EPHA2: variants seen among roughly 807,000 people sequenced by gnomAD.
EPHA2 encodes EPH receptor A2, also known as ephrin type-A receptor 2.
A neutral mutation model predicts 104.9 loss-of-function variants in EPHA2; 54 were observed. The observed-to-expected ratio is 0.51, with a 90% CI of 0.41 to 0.65. EPHA2 has a LOEUF of 0.65. Ranked by LOEUF, EPHA2 falls within the 30% of genes least tolerant of loss-of-function variation. The pLI, the probability that EPHA2 is intolerant of heterozygous loss-of-function variation, is 0.00. For synonymous variants in EPHA2, 560 were observed against 559.1 expected (o/e 1.00, Z -0.02); for missense variants, 1,117 against 1,369.5 (o/e 0.82, Z 2.91).
chr1:16,129,719 G>A (rs2024539211), intron 15 of EPHA2, 130 bp from the exon 16 acceptor site: 1 of 1,254,674 alleles, frequency 8.0e-7, no homozygotes, highest in Non-Finnish European at 1.1e-6. Flanking sequence ...TGGGCAACAG[G>A]GAAGCCCAGT....
rs1438862427 is a variant in EPHA2, at chr1:16,125,362, C to A, written c.2826-42G>T. 2 of 284,130 alleles carry A rather than the reference C, an allele frequency of 7.0e-6. No individual in the cohort carries two copies. The highest frequency in any genetic ancestry group is 4.9e-5 in the South Asian group (1 of 20,262). The allele number at this position is 284,130 out of a possible 1,614,324, so 17.6% of individuals were successfully genotyped here. On this transcript the variant is annotated intron_variant, in intron 16 of 16. Coordinates refer to ENST00000358432, the MANE Select transcript of EPHA2 (RefSeq NM_004431.5). The surrounding 1 kb of genome is among the most constrained non-coding windows in gnomAD (Gnocchi z 4.9). ...AGAGAGGGAGAGTTAGGGGCTGGAG[C>A]AGGGGAGGGGGCCGGGCTGGGTGGG...
chr1:16,132,400 C>G lies in EPHA2; in HGVS notation c.2093G>C (p.Gly698Ala). 1.2e-6 allele frequency: 2 copies of G among 1,614,124 alleles called. No individual in the cohort carries two copies. Among genetic ancestry groups the G allele is most frequent in the Non-Finnish European group, 1.7e-6 (2 of 1,180,036 alleles). The change falls in exon 12 of 17, where the codon GGG (glycine) becomes GCG (alanine). Residue 698 changes from glycine to alanine, a missense_variant. Gly to Ala is a moderately conservative substitution (Grantham distance 60, BLOSUM62 0). Coordinates refer to ENST00000358432, the MANE Select transcript of EPHA2 (RefSeq NM_004431.5). ...TACCCGAAGGAACTTGTCCAGGGCC[C>G]CATTCTCCATGTACTCAGTGATGAT... ...MMIITEYMEN[G>A]ALDKFLREKD... is the part of the protein sequence containing the mutation.
At chr1:16,138,697 C>A (rs1273767384) in intron 3 of EPHA2, among the ~76,000 whole-genome samples, 1 of 152,240 alleles carries the variant, frequency 6.6e-6, no homozygotes, top group Non-Finnish European at 1.5e-5. Context: ...AAGCACCACG[C>A]CCCTGAGCCT....
chr1:16,151,605 C>A (rs1289653524), intron 1 of EPHA2, among the ~76,000 whole-genome samples: 1 of 152,176 alleles, frequency 6.6e-6, no homozygotes, highest in Admixed American at 6.5e-5. Context: ...CTTCTCACCA[C>A]AAAAGCCACA....
rs767157667 is a variant in EPHA2 at position 16,129,535 on chromosome 1, C to A, written c.2724G>T (p.Thr908=). The A allele has an allele frequency of 4.3e-6, 7 of 1,613,430 alleles. No homozygotes were observed. The East Asian group carries it at 1.6e-4, about 36-fold the overall frequency. The change falls in exon 16 of 17, where the codon ACG becomes ACT. Residue 908 remains threonine (T), a synonymous_variant. Transcript: ENST00000358432. The part of the protein sequence containing the change: ...TSGSEGVPFR[T]VSEWLESIKM... Reference sequence around the variant, plus strand: ...TGATGGACTCCAGCCACTCGGACACCGTGCGGAAGGGCACCCCCTCCGAGC... The same window carrying A: ...TGATGGACTCCAGCCACTCGGACACAGTGCGGAAGGGCACCCCCTCCGAGC...
At position 16,134,963 on chromosome 1, in the gene EPHA2, T is replaced by G; in HGVS notation, c.1582+73A>C. Reference sequence around the variant, plus strand: ...GCATTTCTAAGTTATTTGATTCACTTCCTTTCCCAAGATGTCTCAATTGCT... The same window carrying G: ...GCATTTCTAAGTTATTTGATTCACTGCCTTTCCCAAGATGTCTCAATTGCT... On this transcript the variant is annotated intron_variant, in intron 7 of 16. Coordinates refer to ENST00000358432, the MANE Select transcript of EPHA2 (RefSeq NM_004431.5). The surrounding 1 kb of genome is among the most constrained non-coding windows in gnomAD (Gnocchi z 4.5). 1.3e-6 allele frequency: 2 copies of G among 1,591,916 alleles called. No individual in the cohort carries two copies. Among genetic ancestry groups the G allele is most frequent in the Non-Finnish European group, 1.7e-6 (2 of 1,172,544 alleles).
rs576390680 is a variant in EPHA2, at chr1:16,124,523, C to T, written c.*692G>A. 2 of 152,722 alleles carry T rather than the reference C, an allele frequency of 1.3e-5. No homozygotes were observed. Among genetic ancestry groups the T allele is most frequent in the East Asian group, 3.9e-4 (2 of 5,188 alleles). 9.5% of individuals were successfully genotyped at this position (152,722 alleles called of 1,614,324 possible). A position where few individuals can be genotyped will look rare whatever the true frequency, so the allele number is the denominator to read the frequency against. On this transcript the variant is annotated 3_prime_UTR_variant, in exon 17 of 17. Coordinates refer to ENST00000358432, the MANE Select transcript of EPHA2 (RefSeq NM_004431.5). ...GGCCGACTGGGGCATGGGCAGGACA[C>T]TCCTGCAGCACCGGTCCCTGAGTCC... is the stretch of plus-strand genomic sequence containing the variant.
At position 16,131,880 on chromosome 1, in the gene EPHA2, ACCCAGG is replaced by A. The variant is rs777689525; in HGVS notation, c.2326-16_2326-11del. 71 of 1,612,846 alleles carry A rather than the reference ACCCAGG, an allele frequency of 4.4e-5. No homozygotes were observed. The highest frequency in any genetic ancestry group is 5.8e-5 in the Non-Finnish European group (69 of 1,179,606). ...TGGGGATCTTGCCGCCCTGCAGGGA[ACCCAGG>A]CCCAGTCACCACTGTGCCCTCTGGC... On this transcript the variant is annotated splice_polypyrimidine_tract_variant and intron_variant, in intron 13 of 16. Transcript: ENST00000358432. The surrounding 1 kb of genome is among the most constrained non-coding windows in gnomAD (Gnocchi z 5.2).
Position 16,134,387 on chromosome 1 carries a change from C to T in EPHA2, c.1682+81G>A, listed in dbSNP as rs765259681. The stretch of plus-strand genomic sequence containing the variant: ...TCGACTAGCATCCTGTGGGCCCCAT[C>T]GTTCAGATGAGGAAATGGAGGTTCC... On this transcript the variant is annotated intron_variant, in intron 8 of 16. Coordinates refer to ENST00000358432, the MANE Select transcript of EPHA2 (RefSeq NM_004431.5). The surrounding 1 kb of genome is among the most constrained non-coding windows in gnomAD (Gnocchi z 4.5). 2.9e-5 allele frequency: 41 copies of T among 1,414,762 alleles called. No homozygotes were observed. Among genetic ancestry groups the T allele is most frequent in the Non-Finnish European group, 3.7e-5 (37 of 1,010,116 alleles). The allele number at this position is 1,414,762 out of a possible 1,614,324, so 87.6% of individuals were successfully genotyped here.
At chr1:16,141,370 T>A (rs2024821481) in intron 3 of EPHA2, among the ~76,000 whole-genome samples, 1 of 152,144 alleles carries the variant, frequency 6.6e-6, no homozygotes, top group Non-Finnish European at 1.5e-5. Context: ...GTATATTGCA[T>A]CCCTCCCCAT....
At position 16,125,352 on chromosome 1, in the gene EPHA2, G is replaced by C; in HGVS notation, c.2826-32C>G. ...GCCGGGAGGGAGAGAGGGAGAGTTA[G>C]GGGCTGGAGCAGGGGAGGGGGCCGG... On this transcript the variant is annotated intron_variant, in intron 16 of 16. Coordinates refer to ENST00000358432, the MANE Select transcript of EPHA2 (RefSeq NM_004431.5). This position sits in a 1 kb window ranked among gnomAD's most constrained non-coding sequence, Gnocchi z 4.9. The C allele has an allele frequency of 6.4e-7, 1 of 1,566,956 alleles. No individual in the cohort carries two copies. Among genetic ancestry groups the C allele is most frequent in the Non-Finnish European group, 8.7e-7 (1 of 1,144,284 alleles).
At chr1:16,147,183 T>C (rs2024948547) in intron 3 of EPHA2, among the ~76,000 whole-genome samples, 2 of 152,340 alleles carry the variant, frequency 1.3e-5, no homozygotes, top group Non-Finnish European at 2.9e-5. Context: ...AACTCACTAA[T>C]GCCCAAGCCT....
Position 16,125,364 on chromosome 1 carries a change from G to C in EPHA2, c.2826-44C>G, listed in dbSNP as rs763776242. 3.5e-6 allele frequency: 5 copies of C among 1,420,948 alleles called. No homozygotes were observed. Among genetic ancestry groups the C allele is most frequent in the Non-Finnish European group, 4.9e-6 (5 of 1,021,266 alleles). 88.0% of individuals were successfully genotyped at this position (1,420,948 alleles called of 1,614,324 possible). A position where few individuals can be genotyped will look rare whatever the true frequency, so the allele number is the denominator to read the frequency against. On this transcript the variant is annotated intron_variant, in intron 16 of 16. Coordinates refer to ENST00000358432, the MANE Select transcript of EPHA2 (RefSeq NM_004431.5). This position sits in a 1 kb window ranked among gnomAD's most constrained non-coding sequence, Gnocchi z 4.9. ...AGAGGGAGAGTTAGGGGCTGGAGCA[G>C]GGGAGGGGGCCGGGCTGGGTGGGGA...
intron 3 of EPHA2, among the ~76,000 whole-genome samples, chr1:16,140,674 A>G (rs1200340345): frequency 6.6e-6 from 1 of 151,604 alleles, no homozygotes; most frequent in Non-Finnish European, 1.5e-5. Flanking sequence ...GCTGGAGTGA[A>G]GTGGTGGGAT....
intron 3 of EPHA2, among the ~76,000 whole-genome samples, chr1:16,147,485 C>A (rs1438474425): frequency 3.9e-5 from 6 of 152,016 alleles, no homozygotes; most frequent in African/African-American, 1.2e-4. Context: ...GTTTAAGTAT[C>A]TTGCCTAAGG....
In EPHA2 at chr1:16,150,107, G is replaced by T. The variant is rs1226922188; in HGVS notation, c.153+789C>A. Among the ~76,000 whole-genome samples, 1 of 152,148 alleles carries T rather than the reference G, an allele frequency of 6.6e-6. No homozygotes were observed. Among genetic ancestry groups the T allele is most frequent in the Admixed American group, 6.5e-5 (1 of 15,280 alleles). ...TCAGGGCTACACCCCAGCCAAGCCT[G>T]CCCAGAGCTAGGGTGACCGGGGACA... On this transcript the variant is annotated intron_variant, in intron 2 of 16. Coordinates refer to ENST00000358432, the MANE Select transcript of EPHA2 (RefSeq NM_004431.5). The surrounding 1 kb of genome is among the most constrained non-coding windows in gnomAD (Gnocchi z 4.8).
Position 16,136,702 on chromosome 1 carries a change from G to GAA in EPHA2, c.1313-934_1313-933dup, listed in dbSNP as rs774352118. 4.1e-3 allele frequency among the ~76,000 whole-genome samples: 349 copies of GAA among 84,146 alleles called. 2 individuals are homozygous for GAA. Among genetic ancestry groups the GAA allele is most frequent in the Non-Finnish European group, 5.6e-3 (275 of 49,274 alleles). 55.2% of individuals were successfully genotyped at this position (84,146 alleles called of 152,430 possible). A position where few individuals can be genotyped will look rare whatever the true frequency, so the allele number is the denominator to read the frequency against. ...GAAGAAAGAAGAAGAGGAAGAAGAA[G>GAA]AAGAAGAAGAAAAGAAGAAGAAGAA... On this transcript the variant is annotated intron_variant, in intron 5 of 16. Transcript: ENST00000358432.
intron 3 of EPHA2, among the ~76,000 whole-genome samples, chr1:16,142,057 G>T (rs2024833443): frequency 6.6e-6 from 1 of 152,052 alleles, no homozygotes; most frequent in African/African-American, 2.4e-5. Flanking sequence ...GTGGGGACAG[G>T]GGTCACACAC....
Position 16,138,145 on chromosome 1 carries a change from C to T in EPHA2, c.1020G>A (p.Met340Ile), listed in dbSNP as rs1442412216. ...SAPHYLTAVG[M>I]GAKVELRWTP... ...TCCAGCGCAGCTCCACCTTGGCACC[C>T]ATGCCCACGGCTGTGAGGTAGTGTG... The change falls in exon 5 of 17, where the codon ATG becomes ATA. Residue 340 changes from methionine to isoleucine, a missense_variant. By Grantham distance (10) the Met-to-Ile change is conservative. Coordinates refer to ENST00000358432, the MANE Select transcript of EPHA2 (RefSeq NM_004431.5). The T allele has an allele frequency of 1.2e-6, 2 of 1,608,988 alleles. No homozygotes were observed. The highest frequency in any genetic ancestry group is 3.3e-5 in the Admixed American group (2 of 59,992).
Sources: gnomAD v4.1 joint callset for allele counts (sites outside exome capture counted in the v4.1 genomes callset) on GRCh38, gnomAD v4.1.1 for gene constraint, Gnocchi (gnomAD v3.1) non-coding constraint, MANE v1.5 for transcripts, NCBI Gene and HGNC (gene_info 2026-07-23, HGNC 2026-07-21) for gene names.